The following RBPMS2 variants were observed in gnomAD, a reference collection of about 807,000 sequenced individuals.
The protein encoded by RBPMS2 is RNA binding protein, mRNA processing factor 2.
In RBPMS2, 14 loss-of-function variants were observed where a neutral mutation model predicts 25.7. The ratio of observed to expected loss-of-function variants is 0.55; its 90% CI spans 0.36 to 0.85. The LOEUF (loss-of-function observed/expected upper bound fraction) is 0.85. RBPMS2 is among the 40% of genes least tolerant of loss of function. The probability of loss-of-function intolerance (pLI) is 0.01; values close to 1 mark genes in which losing one functional copy is unlikely to be tolerated. For synonymous variants in RBPMS2, 127 were observed against 115.6 expected (o/e 1.10, Z -0.63); for missense variants, 252 against 283.4 (o/e 0.89, Z 0.80).
chr15:64,747,466 C>CA (rs1415604962), intron 6 of RBPMS2, among the ~76,000 whole-genome samples: 2 of 152,176 alleles, frequency 1.3e-5, no homozygotes, highest in African/African-American at 4.8e-5. Context: ...AGCAGCACAG[C>CA]ACACCCTGGC....
chr15:64,751,597 T>C lies in RBPMS2; in HGVS notation c.129A>G (p.Lys43=), dbSNP rs771550386. Residue 43 remains lysine, a synonymous_variant, in exon 2 of 8, where the codon AAA becomes AAG. Coordinates refer to ENST00000300069, the MANE Select transcript of RBPMS2 (RefSeq NM_194272.3). ...GGAAGAGCAAGTAGAGTTCTCTGGGTTTAATGTCCACAGGGAGGCCGCTGA... is the reference window on the plus strand; with the variant it reads ...GGAAGAGCAAGTAGAGTTCTCTGGGCTTAATGTCCACAGGGAGGCCGCTGA... The part of the protein sequence containing the change: ...LFVSGLPVDI[K]PRELYLLFRP... The C allele has an allele frequency of 1.2e-6, 2 of 1,613,654 alleles. No homozygotes were observed. Among genetic ancestry groups the C allele is most frequent in the Non-Finnish European group, 1.7e-6 (2 of 1,179,944 alleles).
intron 1 of RBPMS2, among the ~76,000 whole-genome samples, chr15:64,758,578 A>G (rs987065608): frequency 6.6e-6 from 1 of 152,236 alleles, no homozygotes; most frequent in African/African-American, 2.4e-5. Context: ...TCATGACCCC[A>G]CAGGAGCAGA....
At chr15:64,753,469 G>C (rs866075081) in intron 1 of RBPMS2, among the ~76,000 whole-genome samples, 2 of 152,302 alleles carry the variant, frequency 1.3e-5, no homozygotes, top group Middle Eastern at 3.4e-3. Context: ...AATGCACCCA[G>C]AGAACTCAAC....
At chr15:64,745,703 G>T (rs1041298069) in intron 6 of RBPMS2, among the ~76,000 whole-genome samples, 3 of 152,110 alleles carry the variant, frequency 2.0e-5, no homozygotes, top group African/African-American at 7.2e-5. Flanking sequence ...CTCTTTAAGG[G>T]GAAGATTCTA....
chr15:64,753,797 C>G (rs116448852), intron 1 of RBPMS2, among the ~76,000 whole-genome samples: 3,458 of 152,192 alleles, frequency 0.023, 135 homozygotes, highest in African/African-American at 0.08. Flanking sequence ...TCATGTCCCA[C>G]GGAGACACCA....
intron 6 of RBPMS2, among the ~76,000 whole-genome samples, chr15:64,742,747 G>C (rs2083574585): frequency 2.0e-5 from 3 of 152,216 alleles, no homozygotes. Flanking sequence ...GCGTGTGGCA[G>C]GAAAGGAGTA....
chr15:64,775,270 C>A lies in RBPMS2; in HGVS notation c.50G>T (p.Gly17Val). 7.4e-7 allele frequency: 1 copy of A among 1,344,870 alleles called. No individual in the cohort carries two copies. The highest frequency in any genetic ancestry group is 9.6e-7 in the Non-Finnish European group (1 of 1,041,656). The allele number at this position is 1,344,870 out of a possible 1,614,324, so 83.3% of individuals were successfully genotyped here. A position where few individuals can be genotyped will look rare whatever the true frequency, so the allele number is the denominator to read the frequency against. Residue 17 changes from glycine (G) to valine (V), a missense_variant, in exon 1 of 8, where the codon GGC (glycine) becomes GTC (valine). By Grantham distance (109) the Gly-to-Val change is moderately radical. Coordinates refer to ENST00000300069, the MANE Select transcript of RBPMS2 (RefSeq NM_194272.3). ...DGEHGGSTGT[G>V]SGAGSGGALE... ...GGCGCCGCCGGAGCCCGCGCCGGAG[C>A]CGGTGCCGGTGCTGCCGCCGTGCTC...
At chr15:64,762,151 G>C (rs771060210) in intron 1 of RBPMS2, among the ~76,000 whole-genome samples, 1 of 152,196 alleles carries the variant, frequency 6.6e-6, no homozygotes, top group Non-Finnish European at 1.5e-5. Flanking sequence ...TGAACAAAGA[G>C]GACAGACACA....
intron 1 of RBPMS2, among the ~76,000 whole-genome samples, chr15:64,764,339 C>T (rs2083821853): frequency 6.6e-6 from 1 of 152,190 alleles, no homozygotes; most frequent in Non-Finnish European, 1.5e-5. Flanking sequence ...CCCCTCACTG[C>T]CAGCTCCTAA....
At chr15:64,757,818 C>G (rs928103393) in intron 1 of RBPMS2, among the ~76,000 whole-genome samples, 4 of 149,106 alleles carry the variant, frequency 2.7e-5, no homozygotes, top group African/African-American at 9.7e-5. Context: ...TATCCCCCCC[C>G]ACAAAAAATC....
intron 1 of RBPMS2, among the ~76,000 whole-genome samples, chr15:64,760,829 C>G (rs1480741082): frequency 6.6e-6 from 1 of 151,114 alleles, no homozygotes; most frequent in Non-Finnish European, 1.5e-5. Context: ...AGCAAACAGA[C>G]CCTTCTCCAC....
intron 1 of RBPMS2, 41 bp downstream of exon 1, chr15:64,775,192 G>C: frequency 8.7e-7 from 1 of 1,152,080 alleles, no homozygotes; most frequent in Non-Finnish European, 1.1e-6. Flanking sequence ...CGCCCGCCTG[G>C]CGTGCGCTTC....
intron 6 of RBPMS2, among the ~76,000 whole-genome samples, chr15:64,741,749 T>A (rs552230325): frequency 2.0e-5 from 3 of 152,340 alleles, no homozygotes; most frequent in Non-Finnish European, 4.4e-5. Flanking sequence ...AAAGATACAG[T>A]AAGGCCGGGT....
intron 5 of RBPMS2, 96 bp from the exon 6 acceptor site, chr15:64,748,663 A>T: frequency 3.5e-6 from 5 of 1,424,992 alleles, no homozygotes; most frequent in Non-Finnish European, 4.7e-6. Flanking sequence ...CATATGCCCC[A>T]CACTGAGGCC....
chr15:64,768,100 G>C (rs1032338266), intron 1 of RBPMS2, among the ~76,000 whole-genome samples: 1 of 152,240 alleles, frequency 6.6e-6, no homozygotes, highest in Admixed American at 6.5e-5. Context: ...TGGCTCTTTA[G>C]AGCAAGAATC....
At chr15:64,749,370 C>T in intron 4 of RBPMS2, 61 bp downstream of exon 4, 1 of 1,472,176 alleles carries the variant, frequency 6.8e-7, no homozygotes, top group Non-Finnish European at 9.5e-7. Flanking sequence ...TAAGATACAT[C>T]TGCACACCCA....
At chr15:64,774,801 G>A (rs1003229980) in intron 1 of RBPMS2, among the ~76,000 whole-genome samples, 7 of 151,458 alleles carry the variant, frequency 4.6e-5, no homozygotes, top group Non-Finnish European at 1.0e-4. Context: ...GAGTGAGGGT[G>A]CCGCCCTCGG....
At chr15:64,772,932 G>C (rs375386707) in intron 1 of RBPMS2, among the ~76,000 whole-genome samples, 1 of 152,132 alleles carries the variant, frequency 6.6e-6, no homozygotes, top group African/African-American at 2.4e-5. Flanking sequence ...TAGTCAAGCA[G>C]GCAGAGTCAA....
rs148731425 is a variant in RBPMS2, at chr15:64,744,737, A to G, written c.568-3495T>C. ...TGTACTAGCCAGGTATCCAAAATGT[A>G]GAGCTACACTTACTATTATTTATTT... On this transcript the variant is annotated intron_variant, in intron 6 of 7. Transcript: ENST00000300069. 3.6e-3 allele frequency among the ~76,000 whole-genome samples: 543 copies of G among 149,886 alleles called. 3 individuals carry two copies. Among genetic ancestry groups the G allele is most frequent in the Non-Finnish European group, 5.8e-3 (391 of 67,768 alleles).
Sources: allele counts gnomAD v4.1 joint callset (sites outside exome capture counted in the v4.1 genomes callset), GRCh38; gene constraint gnomAD v4.1.1; transcripts MANE v1.5; gene names NCBI Gene and HGNC (gene_info 2026-07-23, HGNC 2026-07-21).